FSTL4: variants seen among roughly 807,000 people sequenced by gnomAD.
FSTL4 encodes follistatin-related protein 4.
FSTL4 carries 28 observed loss-of-function variants against 78.2 expected under a neutral mutation model. That is an observed-to-expected ratio of 0.36 (90% CI 0.27 to 0.49). The LOEUF is 0.49. FSTL4 is among the 20% of genes least tolerant of loss of function. The pLI is 0.98. For missense variants in FSTL4, 922 were observed against 1,084.9 expected (o/e 0.85, Z 2.11); for synonymous variants, 422 against 440.5 (o/e 0.96, Z 0.53).
chr5:133,289,633 C>A (rs978232481), intron 6 of FSTL4, among the ~76,000 whole-genome samples: 3 of 152,234 alleles, frequency 2.0e-5, no homozygotes, highest in African/African-American at 7.2e-5. Flanking sequence ...AGGTGTCCTG[C>A]TGTGGTAGGC....
chr5:133,598,731 C>T (rs952845898), intron 2 of FSTL4, among the ~76,000 whole-genome samples: 3 of 152,160 alleles, frequency 2.0e-5, no homozygotes, highest in Non-Finnish European at 4.4e-5. Flanking sequence ...GGTCCACGGC[C>T]CTGGGGAGAC....
the FSTL4 span, among the ~76,000 whole-genome samples, chr5:133,690,807 C>G: frequency 6.6e-6 from 1 of 152,240 alleles, no homozygotes; most frequent in Admixed American, 6.5e-5. Flanking sequence ...AAATTCAAAA[C>G]TTCATATTTG....
intron 7 of FSTL4, among the ~76,000 whole-genome samples, chr5:133,240,661 C>T (rs1226230777): frequency 6.6e-6 from 1 of 152,190 alleles, no homozygotes; most frequent in East Asian, 1.9e-4. Context: ...AGGCCCTTAT[C>T]TCTTAGCGCA....
At chr5:133,362,755 T>C (rs937139575) in intron 4 of FSTL4, among the ~76,000 whole-genome samples, 3 of 152,254 alleles carry the variant, frequency 2.0e-5, no homozygotes, top group African/African-American at 7.2e-5. Context: ...GCCTGGCCCC[T>C]GCTCTCCGGG....
the FSTL4 span, among the ~76,000 whole-genome samples, chr5:133,657,627 G>A: frequency 1.3e-5 from 2 of 151,652 alleles, no homozygotes; most frequent in South Asian, 2.1e-4. Flanking sequence ...TAGATATCTG[G>A]GTATCCTTGA....
chr5:133,486,770 G>C (rs2079103747), intron 3 of FSTL4, among the ~76,000 whole-genome samples: 1 of 152,178 alleles, frequency 6.6e-6, no homozygotes, highest in African/African-American at 2.4e-5. Flanking sequence ...CTGGCGGTGG[G>C]TGGGCGGAGC....
At chr5:133,780,947 T>A in the FSTL4 span, among the ~76,000 whole-genome samples, 1 of 152,208 alleles carries the variant, frequency 6.6e-6, no homozygotes, top group Admixed American at 6.5e-5. Context: ...AGAGGTTCCA[T>A]GACTGAGCTC....
intron 4 of FSTL4, among the ~76,000 whole-genome samples, chr5:133,396,705 C>T (rs1430283057): frequency 1.3e-5 from 2 of 152,114 alleles, no homozygotes; most frequent in Non-Finnish European, 2.9e-5. Context: ...AGAGTAACAA[C>T]AACAGCAACA....
chr5:133,507,220 A>G (rs1422552367), intron 3 of FSTL4, among the ~76,000 whole-genome samples: 4 of 152,142 alleles, frequency 2.6e-5, no homozygotes, highest in Admixed American at 2.6e-4. Context: ...AATAAAATAA[A>G]TAAAATAAAA....
chr5:133,371,751 A>G (rs1023019222), intron 4 of FSTL4, among the ~76,000 whole-genome samples: 1 of 152,254 alleles, frequency 6.6e-6, no homozygotes, highest in Non-Finnish European at 1.5e-5. Context: ...CAGGAGCATC[A>G]TTAAAGAAAC....
rs140360167 is a variant in FSTL4, at chr5:133,262,273, G to A, written c.728-12697C>T. ...CGCAACTACAGCTTCGACTGGATGA[G>A]AGACTGATTTCAGTAACTTTCTCCT... On this transcript the variant is annotated intron_variant, in intron 6 of 15. Coordinates refer to ENST00000265342, the MANE Select transcript of FSTL4 (RefSeq NM_015082.2). 1.7e-3 allele frequency among the ~76,000 whole-genome samples: 266 copies of A among 152,336 alleles called. 2 individuals carry two copies. The South Asian group carries it at 0.018, about 11-fold the overall frequency.
intron 4 of FSTL4, among the ~76,000 whole-genome samples, chr5:133,362,513 A>T (rs1755093680): frequency 6.6e-6 from 1 of 152,220 alleles, no homozygotes; most frequent in Non-Finnish European, 1.5e-5. Context: ...GTTTTTTGAT[A>T]AGTTTTCACT....
At chr5:133,341,143 C>T (rs1754572231) in intron 4 of FSTL4, among the ~76,000 whole-genome samples, 1 of 151,974 alleles carries the variant, frequency 6.6e-6, no homozygotes, top group South Asian at 2.1e-4. Flanking sequence ...GCAGACATGA[C>T]CTCCCTTCGA....
the FSTL4 span, among the ~76,000 whole-genome samples, chr5:133,636,688 A>C: frequency 6.6e-6 from 1 of 152,144 alleles, no homozygotes; most frequent in African/African-American, 2.4e-5. Context: ...GCACTATGTA[A>C]ATATTTGCTG....
At chr5:133,559,459 C>T (rs914156743) in intron 3 of FSTL4, among the ~76,000 whole-genome samples, 8 of 152,178 alleles carry the variant, frequency 5.3e-5, no homozygotes, top group African/African-American at 1.9e-4. Context: ...ATACAGGGAG[C>T]ACCATCATCT....
the FSTL4 span, among the ~76,000 whole-genome samples, chr5:133,759,937 G>A: frequency 0.62 from 94,064 of 152,104 alleles, 29,402 homozygotes; most frequent in Non-Finnish European, 0.67. Context: ...TGAAAACACT[G>A]GATGCCAAGA....
chr5:133,537,890 T>A (rs1759385748), intron 3 of FSTL4, among the ~76,000 whole-genome samples: 1 of 151,026 alleles, frequency 6.6e-6, no homozygotes, highest in Admixed American at 6.6e-5. Flanking sequence ...TAGGCATACA[T>A]GTATATATTT....
intron 3 of FSTL4, among the ~76,000 whole-genome samples, chr5:133,403,043 C>T (rs1229934270): frequency 2.0e-5 from 3 of 152,180 alleles, no homozygotes; most frequent in East Asian, 1.9e-4. Flanking sequence ...ATTTGATTAG[C>T]GTGATTCTCC....
At chr5:133,779,085 C>T in the FSTL4 span, among the ~76,000 whole-genome samples, 1 of 152,174 alleles carries the variant, frequency 6.6e-6, no homozygotes, top group Non-Finnish European at 1.5e-5. Context: ...ACTCTTAGAC[C>T]TGCTATGACT....
Sources: gnomAD v4.1 joint callset for allele counts (sites outside exome capture counted in the v4.1 genomes callset) on GRCh38, gnomAD v4.1.1 for gene constraint, MANE v1.5 for transcripts, NCBI Gene and HGNC (gene_info 2026-07-23, HGNC 2026-07-21) for gene names.